Variants in HAPLN1 observed in about 807,000 individuals in gnomAD.
HAPLN1 encodes hyaluronan and proteoglycan link protein 1.
HAPLN1 carries 13 observed loss-of-function variants against 36.5 expected under a neutral mutation model. That is an observed-to-expected ratio of 0.36 (90% CI 0.23 to 0.57). The LOEUF (loss-of-function observed/expected upper bound fraction) is 0.57. HAPLN1 is among the 20% of genes least tolerant of loss of function. The probability of loss-of-function intolerance (pLI) is 0.83; values close to 1 mark genes in which losing one functional copy is unlikely to be tolerated. For synonymous variants in HAPLN1, 202 were observed against 169.8 expected (o/e 1.19, Z -1.48); for missense variants, 407 against 439.7 (o/e 0.93, Z 0.66).
intron 1 of HAPLN1, among the ~76,000 whole-genome samples, chr5:83,694,465 G>C (rs763760788): frequency 3.3e-5 from 5 of 151,586 alleles, no homozygotes; most frequent in Admixed American, 6.6e-5. Flanking sequence ...AACAAAAGAT[G>C]GTTCTTTGAA....
At chr5:83,707,500 A>T (rs931043355) in intron 1 of HAPLN1, among the ~76,000 whole-genome samples, 2 of 152,232 alleles carry the variant, frequency 1.3e-5, no homozygotes, top group Admixed American at 6.5e-5. Context: ...TCCCTATACA[A>T]TAAGTGGTGC....
At chr5:83,661,034 T>A (rs1360647851) in intron 2 of HAPLN1, among the ~76,000 whole-genome samples, 2 of 152,164 alleles carry the variant, frequency 1.3e-5, no homozygotes, top group African/African-American at 4.8e-5. Context: ...CAGAAGGCAG[T>A]TCCTAGAAAG....
intron 2 of HAPLN1, among the ~76,000 whole-genome samples, chr5:83,671,771 A>G (rs968301303): frequency 6.6e-6 from 1 of 152,246 alleles, no homozygotes; most frequent in Non-Finnish European, 1.5e-5. Flanking sequence ...ATATAGTTCT[A>G]TTACTTGAAA....
At chr5:83,655,542 G>T (rs1750186202) in intron 2 of HAPLN1, among the ~76,000 whole-genome samples, 1 of 151,886 alleles carries the variant, frequency 6.6e-6, no homozygotes, top group Admixed American at 6.6e-5. Context: ...GTGTGTGTGT[G>T]TGTTGAAGTA....
rs772169191 is a variant in HAPLN1 at position 83,644,433 on chromosome 5, G to A, written c.705C>T (p.Val235=). ...CTTTATCCCAAAATCCGTAGTTCCT[G>A]ACTCCGGGCACTGTGTTCTGCCCCC... ...PCGGQNTVPG[V]RNYGFWDKDK... Residue 235 remains valine (V), a synonymous_variant, in exon 4 of 5, where the codon GTC becomes GTT. Transcript: ENST00000274341. 1 of 1,606,536 alleles carries A rather than the reference G, an allele frequency of 6.2e-7. No individual in the cohort carries two copies. Among genetic ancestry groups the A allele is most frequent in the South Asian group, 1.1e-5 (1 of 89,846 alleles).
In HAPLN1 at chr5:83,676,195, T is replaced by TACAGAGATACGCACACATAC. The variant is rs1379526718; in HGVS notation, c.-26-2666_-26-2647dup. Among the ~76,000 whole-genome samples the TACAGAGATACGCACACATAC allele has an allele frequency of 7.3e-3, 742 of 101,804 alleles. 25 individuals are homozygous for TACAGAGATACGCACACATAC. Among genetic ancestry groups the TACAGAGATACGCACACATAC allele is most frequent in the Admixed American group, 0.066 (676 of 10,320 alleles). The allele number at this position is 101,804 out of a possible 152,430, so 66.8% of individuals were successfully genotyped here. A position where few individuals can be genotyped will look rare whatever the true frequency, so the allele number is the denominator to read the frequency against. On this transcript the variant is annotated intron_variant, in intron 1 of 4. Coordinates refer to ENST00000274341, the MANE Select transcript of HAPLN1 (RefSeq NM_001884.4). ...ACATACACAGAGATACGCACACATA[T>TACAGAGATACGCACACATAC]ACAGAGATACGCACACATACACAGA...
At chr5:83,672,660 C>G (rs1750759920) in intron 2 of HAPLN1, among the ~76,000 whole-genome samples, 1 of 152,222 alleles carries the variant, frequency 6.6e-6, no homozygotes. Context: ...GCAAACTTAT[C>G]ATGCCTCTGG....
intron 1 of HAPLN1, among the ~76,000 whole-genome samples, chr5:83,682,789 T>G (rs1751037854): frequency 6.6e-6 from 1 of 152,202 alleles, no homozygotes; most frequent in African/African-American, 2.4e-5. Context: ...CCAAATTGGT[T>G]TTGTGATGCA....
At chr5:83,652,365 G>A in intron 3 of HAPLN1, 88 bp downstream of exon 3, 1 of 1,350,972 alleles carries the variant, frequency 7.4e-7, no homozygotes, top group Non-Finnish European at 1.0e-6. Context: ...CTTTATTACT[G>A]TGTTAACCAC....
intron 3 of HAPLN1, among the ~76,000 whole-genome samples, chr5:83,650,557 G>A (rs1013439451): frequency 6.6e-6 from 1 of 152,034 alleles, no homozygotes; most frequent in South Asian, 2.1e-4. Context: ...ATTCTATATG[G>A]CAGGGAATGT....
intron 1 of HAPLN1, among the ~76,000 whole-genome samples, chr5:83,675,085 C>A (rs540743446): frequency 1.3e-5 from 2 of 152,202 alleles, no homozygotes; most frequent in African/African-American, 4.8e-5. Flanking sequence ...CCTCTAAGAA[C>A]TTTTTTGAAA....
intron 1 of HAPLN1, among the ~76,000 whole-genome samples, chr5:83,694,616 G>A (rs998282383): frequency 1.3e-5 from 2 of 151,822 alleles, no homozygotes; most frequent in African/African-American, 4.8e-5. Context: ...ATGAAACTTT[G>A]TTTTAATAAA....
At chr5:83,685,496 T>A (rs904915757) in intron 1 of HAPLN1, among the ~76,000 whole-genome samples, 4 of 152,168 alleles carry the variant, frequency 2.6e-5, no homozygotes, top group Admixed American at 6.5e-5. Context: ...GAATAAATCA[T>A]CACATTTCAT....
intron 1 of HAPLN1, among the ~76,000 whole-genome samples, chr5:83,691,175 A>C (rs1226575687): frequency 1.3e-5 from 2 of 152,082 alleles, no homozygotes; most frequent in African/African-American, 4.8e-5. Flanking sequence ...GAACCTACCT[A>C]GAGCCTGTTC....
chr5:83,652,435 T>C lies in HAPLN1; in HGVS notation c.472+18A>G, dbSNP rs1170677074. ...TTAATGACCATTTATACGTTGAACA[T>C]GACTTATAGATACATACCTTGTAAG... On this transcript the variant is annotated intron_variant, in intron 3 of 4. Coordinates refer to ENST00000274341, the MANE Select transcript of HAPLN1 (RefSeq NM_001884.4). 25 of 1,594,532 alleles carry C rather than the reference T, an allele frequency of 1.6e-5. No individual in the cohort carries two copies. The highest frequency in any genetic ancestry group is 2.1e-5 in the Non-Finnish European group (25 of 1,169,226).
chr5:83,700,723 A>C (rs1333971513), intron 1 of HAPLN1, among the ~76,000 whole-genome samples: 1 of 150,818 alleles, frequency 6.6e-6, no homozygotes, highest in Non-Finnish European at 1.5e-5. Context: ...CTAGGTTTCA[A>C]TTTTTGCTAT....
intron 2 of HAPLN1, among the ~76,000 whole-genome samples, chr5:83,666,680 T>A (rs1750560575): frequency 6.6e-6 from 1 of 152,170 alleles, no homozygotes; most frequent in African/African-American, 2.4e-5. Context: ...TGGATATAGT[T>A]CAAAGTTCTA....
In HAPLN1 at chr5:83,639,909, T is replaced by C. The variant is rs1749631721; in HGVS notation, c.*1587A>G. ...TTATGGTTTCATGGACTTCCAATTG[T>C]TCTATACCTTCCACACACAGAACTC... On this transcript the variant is annotated 3_prime_UTR_variant, in exon 5 of 5. Coordinates refer to ENST00000274341, the MANE Select transcript of HAPLN1 (RefSeq NM_001884.4). 1 of 152,122 alleles carries C rather than the reference T, an allele frequency of 6.6e-6. No individual in the cohort carries two copies. Among genetic ancestry groups the C allele is most frequent in the Admixed American group, 6.5e-5 (1 of 15,276 alleles). 9.4% of individuals were successfully genotyped at this position (152,122 alleles called of 1,614,324 possible). A position where few individuals can be genotyped will look rare whatever the true frequency, so the allele number is the denominator to read the frequency against.
rs1231320786 is a variant in HAPLN1, at chr5:83,639,834, A to C, written c.*1662T>G. On this transcript the variant is annotated 3_prime_UTR_variant, in exon 5 of 5. Coordinates refer to ENST00000274341, the MANE Select transcript of HAPLN1 (RefSeq NM_001884.4). ...TTTCAGATATGTTTTTGATGAAAGA[A>C]AGGACCTACTTTTATTACAATATTT... 1 of 152,114 alleles carries C rather than the reference A, an allele frequency of 6.6e-6. No individual in the cohort carries two copies. Among genetic ancestry groups the C allele is most frequent in the Non-Finnish European group, 1.5e-5 (1 of 67,958 alleles). 9.4% of individuals were successfully genotyped at this position (152,114 alleles called of 1,614,324 possible).
Sources: gnomAD v4.1 joint callset for allele counts (sites outside exome capture counted in the v4.1 genomes callset) on GRCh38, gnomAD v4.1.1 for gene constraint, MANE v1.5 for transcripts, NCBI Gene and HGNC (gene_info 2026-07-23, HGNC 2026-07-21) for gene names.